The following PCDH7 variants were observed in gnomAD, a reference collection of about 807,000 sequenced individuals.
The protein encoded by PCDH7 is protocadherin 7.
PCDH7 carries 17 observed loss-of-function variants against 58.9 expected under a neutral mutation model. The ratio of observed to expected loss-of-function variants is 0.29; its 90% CI spans 0.20 to 0.43. The LOEUF (loss-of-function observed/expected upper bound fraction) is 0.43. Ranked by LOEUF, PCDH7 falls within the 20% of genes least tolerant of loss-of-function variation. The pLI is 1.00. For missense variants in PCDH7, 1,274 were observed against 1,441.0 expected, an observed-to-expected ratio of 0.88 and a Z score of 1.88; for synonymous variants, 664 against 616.4, an observed-to-expected ratio of 1.08 and a Z score of -1.14.
At chr4:31,030,629 A>G (rs977735627) in intron 3 of PCDH7, among the ~76,000 whole-genome samples, 1 of 152,218 alleles carries the variant, frequency 6.6e-6, no homozygotes, top group Non-Finnish European at 1.5e-5. Context: ...AGTGAATTTC[A>G]ATTACTTATG....
At position 31,052,581 on chromosome 4, in the gene PCDH7, A is replaced by T. The variant is rs369778268; in HGVS notation, c.*8-89892A>T. ...TCTTCACCCTCAAGACACTGTCCCA[A>T]ATAAAAATGGCTCTTTAAGAAATAA... On this transcript the variant is annotated intron_variant, in intron 3 of 3. Coordinates refer to the PCDH7 transcript ENST00000509759. 2.4e-4 allele frequency among the ~76,000 whole-genome samples: 37 copies of T among 152,262 alleles called. No individual in the cohort carries two copies. In the South Asian group the frequency reaches 5.4e-3, roughly 22 times the overall value.
At chr4:30,763,548 A>G (rs954989064) in intron 1 of PCDH7, among the ~76,000 whole-genome samples, 7 of 152,222 alleles carry the variant, frequency 4.6e-5, no homozygotes, top group African/African-American at 1.7e-4. Context: ...TCAGTAAATC[A>G]GTGTTTCACT....
chr4:31,060,351 T>C (rs1757592755), intron 3 of PCDH7, among the ~76,000 whole-genome samples: 1 of 151,838 alleles, frequency 6.6e-6, no homozygotes, highest in African/African-American at 2.4e-5. Flanking sequence ...AGCATTCATG[T>C]ATAAAGAAAC....
At chr4:30,988,688 TG>T (rs1182843165) in intron 3 of PCDH7, among the ~76,000 whole-genome samples, 16 of 152,230 alleles carry the variant, frequency 1.1e-4, no homozygotes, top group African/African-American at 3.9e-4. Flanking sequence ...TTTACTTTGA[TG>T]TTGTAGCAAT....
intron 1 of PCDH7, among the ~76,000 whole-genome samples, chr4:30,885,672 T>A (rs1036133177): frequency 1.1e-4 from 17 of 152,144 alleles, no homozygotes; most frequent in African/African-American, 4.1e-4. Context: ...AAGTCAATCC[T>A]AAGCCAAAAG....
chr4:30,986,237 C>A, intron 3 of PCDH7, among the ~76,000 whole-genome samples: 1 of 152,042 alleles, frequency 6.6e-6, no homozygotes, highest in East Asian at 1.9e-4. Context: ...CAATTGATTT[C>A]TCCTTGCCTA....
At chr4:30,968,295 TC>T in intron 3 of PCDH7, among the ~76,000 whole-genome samples, 1 of 24,274 alleles carries the variant, frequency 4.1e-5, no homozygotes, top group Non-Finnish European at 6.5e-5. Context: ...TTACTCTCTC[TC>T]TCTCTCTATA....
At chr4:31,124,606 C>T (rs1043588491) in intron 3 of PCDH7, among the ~76,000 whole-genome samples, 24 of 152,248 alleles carry the variant, frequency 1.6e-4, no homozygotes, top group African/African-American at 5.3e-4. Flanking sequence ...TTCCCCATTC[C>T]TACAGATTAT....
intron 1 of PCDH7, among the ~76,000 whole-genome samples, chr4:30,807,294 A>G (rs961384381): frequency 1.1e-4 from 17 of 152,238 alleles, no homozygotes; most frequent in African/African-American, 3.6e-4. Flanking sequence ...TTCCAAAAGC[A>G]TAAACAATAA....
intron 3 of PCDH7, among the ~76,000 whole-genome samples, chr4:31,020,299 T>C (rs185020410): frequency 1.6e-3 from 246 of 152,320 alleles, no homozygotes; most frequent in African/African-American, 5.6e-3. Context: ...AAAAGCATTT[T>C]CCCTTCATTA....
chr4:30,730,583 T>C (rs1460367998), intron 1 of PCDH7, among the ~76,000 whole-genome samples: 1 of 152,080 alleles, frequency 6.6e-6, no homozygotes, highest in African/African-American at 2.4e-5. Context: ...ACAAGTTAAC[T>C]TCCCCCACCC....
At chr4:30,915,648 C>A (rs1349196488) in intron 1 of PCDH7, among the ~76,000 whole-genome samples, 2 of 152,192 alleles carry the variant, frequency 1.3e-5, no homozygotes, top group East Asian at 3.9e-4. Context: ...CTCAACCTCC[C>A]AAGTAGCTGG....
At chr4:31,058,677 A>C (rs1029250093) in intron 3 of PCDH7, among the ~76,000 whole-genome samples, 3 of 152,060 alleles carry the variant, frequency 2.0e-5, no homozygotes, top group Non-Finnish European at 4.4e-5. Flanking sequence ...TTTGGAAATT[A>C]ATGAATGAAA....
chr4:30,867,324 A>G (rs1735004235), intron 1 of PCDH7, among the ~76,000 whole-genome samples: 1 of 152,120 alleles, frequency 6.6e-6, no homozygotes, highest in Non-Finnish European at 1.5e-5. Flanking sequence ...AGGCCCCCTC[A>G]CAGAAATTGT....
At chr4:30,918,994 G>C (rs914625126) in intron 1 of PCDH7, among the ~76,000 whole-genome samples, 7 of 152,168 alleles carry the variant, frequency 4.6e-5, no homozygotes, top group African/African-American at 1.7e-4. Flanking sequence ...GTCGTAATTA[G>C]TAATTTGTAT....
chr4:30,720,872 C>T lies in PCDH7; in HGVS notation c.-551C>T, dbSNP rs1379502619. 1.3e-5 allele frequency: 2 copies of T among 153,440 alleles called. No individual in the cohort carries two copies. The highest frequency in any genetic ancestry group is 1.9e-4 in the East Asian group (1 of 5,210). 9.5% of individuals were successfully genotyped at this position (153,440 alleles called of 1,614,324 possible). On this transcript the variant is annotated 5_prime_UTR_variant, in exon 1 of 2. Coordinates refer to ENST00000361762, the Ensembl canonical transcript of PCDH7. This position sits in a 1 kb window ranked among gnomAD's most constrained non-coding sequence, Gnocchi z 4.7. ...TGGGTGGCCGGAGCCGGAGCAGAGC[C>T]TGGGTTTGGAGTGAGTGCCTGGAAC...
intron 1 of PCDH7, among the ~76,000 whole-genome samples, chr4:30,891,091 A>G (rs1399361008): frequency 6.6e-6 from 1 of 152,102 alleles, no homozygotes; most frequent in Non-Finnish European, 1.5e-5. Context: ...TCTCTTGCTC[A>G]GTTTAAATGA....
At chr4:30,856,774 C>T (rs1160281983) in intron 1 of PCDH7, among the ~76,000 whole-genome samples, 1 of 150,496 alleles carries the variant, frequency 6.6e-6, no homozygotes, top group Non-Finnish European at 1.5e-5. Flanking sequence ...AATAAGATTG[C>T]AAACAGAGGT....
intron 3 of PCDH7, among the ~76,000 whole-genome samples, chr4:31,046,283 A>G (rs1359009685): frequency 6.6e-6 from 1 of 151,902 alleles, no homozygotes; most frequent in Non-Finnish European, 1.5e-5. Flanking sequence ...TTTTCACCAT[A>G]TTTATACATA....
Sources: allele counts gnomAD v4.1 joint callset (sites outside exome capture counted in the v4.1 genomes callset), GRCh38; gene constraint gnomAD v4.1.1; non-coding constraint Gnocchi (gnomAD v3.1); transcripts MANE v1.5; gene names NCBI Gene and HGNC (gene_info 2026-07-23, HGNC 2026-07-21).